PLD5: variants seen among roughly 807,000 people sequenced by gnomAD.
The protein encoded by PLD5 is inactive phospholipase D5.
In PLD5, 36 loss-of-function variants were observed where a neutral mutation model predicts 61.1. The observed-to-expected ratio is 0.59, with a 90% confidence interval of 0.45 to 0.78. PLD5 has a LOEUF of 0.78. Ranked by LOEUF, PLD5 falls within the 30% of genes least tolerant of loss-of-function variation. PLD5 has a pLI of 0.00. For missense variants in PLD5, 515 were observed against 644.4 expected (o/e 0.80, Z 2.17); for synonymous variants, 243 against 242.8 (o/e 1.00, Z -0.01).
chr1:242,293,283 C>A (rs2342257), intron 2 of PLD5, among the ~76,000 whole-genome samples: 134,705 of 152,160 alleles, frequency 0.89, 59,789 homozygotes, highest in East Asian at 0.94. Flanking sequence ...TCCCTGGGAG[C>A]CAAGGAAGAC....
intron 5 of PLD5, among the ~76,000 whole-genome samples, chr1:242,137,405 G>A (rs368332709): frequency 5.9e-5 from 9 of 152,136 alleles, no homozygotes; most frequent in Admixed American, 2.6e-4. Context: ...ACCTAAAACC[G>A]TCTTGGTAAA....
chr1:242,342,966 GA>G (rs1181307521), intron 2 of PLD5, among the ~76,000 whole-genome samples: 3 of 152,126 alleles, frequency 2.0e-5, no homozygotes, highest in African/African-American at 4.8e-5. Context: ...AAATCATAAG[GA>G]TTTTTTTATA....
intron 5 of PLD5, among the ~76,000 whole-genome samples, chr1:242,189,027 A>C (rs1355407997): frequency 6.6e-6 from 1 of 152,254 alleles, no homozygotes; most frequent in Non-Finnish European, 1.5e-5. Flanking sequence ...TTGTCATATG[A>C]AAAGAGAAGT....
At chr1:242,152,500 C>A (rs533576569) in intron 5 of PLD5, among the ~76,000 whole-genome samples, 170 of 151,844 alleles carry the variant, frequency 1.1e-3, no homozygotes, top group African/African-American at 3.9e-3. Context: ...TGCTATCCCT[C>A]CCCTAGCCCC....
chr1:242,161,943 G>A (rs974144423), intron 5 of PLD5, among the ~76,000 whole-genome samples: 2 of 152,108 alleles, frequency 1.3e-5, no homozygotes, highest in African/African-American at 2.4e-5. Flanking sequence ...TGGACATCTC[G>A]GAACAACAGA....
intron 1 of PLD5, among the ~76,000 whole-genome samples, chr1:242,427,477 A>C (rs2102882777): frequency 6.6e-6 from 1 of 152,320 alleles, no homozygotes; most frequent in African/African-American, 2.4e-5. Flanking sequence ...ACCATGATTC[A>C]ATTTAATATC....
chr1:242,373,975 A>AC (rs1553361370), intron 1 of PLD5, among the ~76,000 whole-genome samples: 1 of 151,366 alleles, frequency 6.6e-6, no homozygotes, highest in Non-Finnish European at 1.5e-5. Context: ...AATAAAAACA[A>AC]AAAAAAAGAA....
intron 1 of PLD5, among the ~76,000 whole-genome samples, chr1:242,458,306 G>A (rs540444674): frequency 5.9e-5 from 9 of 152,342 alleles, no homozygotes; most frequent in Non-Finnish European, 1.2e-4. Context: ...CACCATTGTT[G>A]ATTTGGCTCC....
In PLD5 at chr1:242,372,623, C is replaced by T. The variant is rs181366560; in HGVS notation, c.190-24381G>A. Reference sequence around the variant, plus strand: ...TAGACCAATCAAACAGAACAGAGCCCTCAGAAATATTACCACACATGTACA... The same window carrying T: ...TAGACCAATCAAACAGAACAGAGCCTTCAGAAATATTACCACACATGTACA... On this transcript the variant is annotated intron_variant, in intron 1 of 9. Transcript: ENST00000536534. Among the ~76,000 whole-genome samples, 192 of 152,196 alleles carry T rather than the reference C, an allele frequency of 1.3e-3. 1 individual carries two copies. Among genetic ancestry groups the T allele is most frequent in the African/African-American group, 4.6e-3 (190 of 41,528 alleles).
At chr1:242,291,032 G>A (rs575718097) in intron 2 of PLD5, among the ~76,000 whole-genome samples, 3 of 152,270 alleles carry the variant, frequency 2.0e-5, no homozygotes, top group Non-Finnish European at 4.4e-5. Flanking sequence ...CCTCTCTGCA[G>A]CTTCACTGGA....
At chr1:242,179,577 C>T (rs1667385634) in intron 5 of PLD5, among the ~76,000 whole-genome samples, 2 of 152,094 alleles carry the variant, frequency 1.3e-5, no homozygotes, top group Non-Finnish European at 1.5e-5. Context: ...TGGTTTCTAA[C>T]CAGAGATCAT....
At chr1:242,233,255 G>C (rs990286853) in intron 4 of PLD5, among the ~76,000 whole-genome samples, 1 of 152,182 alleles carries the variant, frequency 6.6e-6, no homozygotes, top group Non-Finnish European at 1.5e-5. Flanking sequence ...TCATTCTTTG[G>C]TCAGGTATCT....
At chr1:242,192,842 C>A (rs1668371524) in intron 5 of PLD5, among the ~76,000 whole-genome samples, 1 of 152,008 alleles carries the variant, frequency 6.6e-6, no homozygotes, top group African/African-American at 2.4e-5. Flanking sequence ...CCTGCCCCTT[C>A]GGCCTACTGT....
intron 1 of PLD5, among the ~76,000 whole-genome samples, chr1:242,405,111 C>A (rs1027385087): frequency 6.6e-6 from 1 of 151,870 alleles, no homozygotes; most frequent in African/African-American, 2.4e-5. Flanking sequence ...GAACTCCTGA[C>A]CTCCAGTGAT....
upstream of PLD5, among the ~76,000 whole-genome samples, chr1:242,529,271 G>A (rs1669503983): frequency 6.6e-6 from 1 of 152,132 alleles, no homozygotes; most frequent in African/African-American, 2.4e-5. Flanking sequence ...TTATTGATTA[G>A]TTATAAAATG....
At position 242,089,207 on chromosome 1, in the gene PLD5, G is replaced by A. The variant is rs886906853; in HGVS notation, c.*647C>T. On this transcript the variant is annotated 3_prime_UTR_variant, in exon 10 of 10. Transcript: ENST00000536534. ...TATGTTTTCAAAAGATGTTATCATAGTTAGAAGTAATGTTGAGGTGAATAC... is the reference window on the plus strand; with the variant it reads ...TATGTTTTCAAAAGATGTTATCATAATTAGAAGTAATGTTGAGGTGAATAC... 1 of 397,624 alleles carries A rather than the reference G, an allele frequency of 2.5e-6. No individual in the cohort carries two copies. Among genetic ancestry groups the A allele is most frequent in the South Asian group, 1.3e-4 (1 of 7,718 alleles). 24.6% of individuals were successfully genotyped at this position (397,624 alleles called of 1,614,324 possible).
At chr1:242,180,270 A>T (rs316869) in intron 5 of PLD5, among the ~76,000 whole-genome samples, 13 of 152,064 alleles carry the variant, frequency 8.5e-5, no homozygotes, top group African/African-American at 2.9e-4. Flanking sequence ...TAAAATATCA[A>T]TATAGGGCTG....
intron 4 of PLD5, among the ~76,000 whole-genome samples, chr1:242,254,439 G>A (rs893187923): frequency 5.3e-5 from 8 of 152,068 alleles, no homozygotes; most frequent in African/African-American, 1.9e-4. Flanking sequence ...GGAGGCTGAG[G>A]CAGGCGGATC....
At chr1:242,354,550 C>T (rs530811900) in intron 1 of PLD5, among the ~76,000 whole-genome samples, 1 of 152,302 alleles carries the variant, frequency 6.6e-6, no homozygotes, top group South Asian at 2.1e-4. Flanking sequence ...CTGGGGTCTT[C>T]TGTCCTACAA....
Sources: allele counts gnomAD v4.1 joint callset (sites outside exome capture counted in the v4.1 genomes callset), GRCh38; gene constraint gnomAD v4.1.1; transcripts MANE v1.5; gene names NCBI Gene and HGNC (gene_info 2026-07-23, HGNC 2026-07-21).